Variants in PLSCR1 observed in about 807,000 individuals in gnomAD.
The protein encoded by PLSCR1 is phospholipid scramblase 1, also known as PL scramblase 1.
In PLSCR1, 17 loss-of-function variants were observed where a neutral mutation model predicts 37.8. The ratio of observed to expected loss-of-function variants is 0.45; its 90% CI spans 0.31 to 0.68. The LOEUF (loss-of-function observed/expected upper bound fraction) is 0.68, where lower values mean the gene tolerates loss of function less well. PLSCR1 is among the 30% of genes least tolerant of loss of function. The pLI is 0.06. For missense variants in PLSCR1, 347 were observed against 380.9 expected, an observed-to-expected ratio of 0.91 and a Z score of 0.74; for synonymous variants, 116 against 125.9, an observed-to-expected ratio of 0.92 and a Z score of 0.53.
chr3:146,516,596 T>C (rs560611595), intron 8 of PLSCR1: 1 of 172,002 alleles, frequency 5.8e-6, no homozygotes, highest in African/African-American at 2.4e-5. Flanking sequence ...GAATGTACAC[T>C]CTTATTGTAC....
chr3:146,515,792 G>A lies in PLSCR1; in HGVS notation c.*253C>T, dbSNP rs1237878505. 3 of 309,830 alleles carry A rather than the reference G, an allele frequency of 9.7e-6. No homozygotes were observed. Among genetic ancestry groups the A allele is most frequent in the Middle Eastern group, 8.5e-4 (1 of 1,172 alleles). The allele number at this position is 309,830 out of a possible 1,614,324, so 19.2% of individuals were successfully genotyped here. The stretch of plus-strand genomic sequence containing the variant: ...AATGAATCAGAGATCATAATTCAAA[G>A]CAGTTTTTCAAAGGAAGTTTCATTA... On this transcript the variant is annotated 3_prime_UTR_variant, in exon 9 of 9. Coordinates refer to ENST00000342435, the MANE Select transcript of PLSCR1 (RefSeq NM_021105.3).
intron 1 of PLSCR1, among the ~76,000 whole-genome samples, chr3:146,540,087 T>C (rs577804057): frequency 6.6e-6 from 1 of 152,364 alleles, no homozygotes; most frequent in Non-Finnish European, 1.5e-5. Context: ...AATAATGGCT[T>C]CTACCACACT....
At chr3:146,536,619 A>T in intron 1 of PLSCR1, 54 bp from the exon 2 acceptor site, 1 of 1,028,922 alleles carries the variant, frequency 9.7e-7, no homozygotes, top group South Asian at 1.3e-5. Context: ...CAAGTCAAAT[A>T]TAACAGTTGA....
chr3:146,522,069 A>G lies in PLSCR1; in HGVS notation c.356-16T>C. 1 of 1,330,866 alleles carries G rather than the reference A, an allele frequency of 7.5e-7. No homozygotes were observed. The highest frequency in any genetic ancestry group is 1.1e-6 in the Non-Finnish European group (1 of 921,562). 82.4% of individuals were successfully genotyped at this position (1,330,866 alleles called of 1,614,324 possible). On this transcript the variant is annotated splice_polypyrimidine_tract_variant and intron_variant, in intron 5 of 8. Coordinates refer to ENST00000342435, the MANE Select transcript of PLSCR1 (RefSeq NM_021105.3). Reference sequence around the variant, plus strand: ...CCTGTTAAAACTAAAAACATAAAAGACGAAATCATAATCACCTCTATGTTA... The same window carrying G: ...CCTGTTAAAACTAAAAACATAAAAGGCGAAATCATAATCACCTCTATGTTA...
At chr3:146,530,126 T>C (rs924181967) in intron 3 of PLSCR1, among the ~76,000 whole-genome samples, 8 of 152,320 alleles carry the variant, frequency 5.3e-5, no homozygotes, top group African/African-American at 1.9e-4. Context: ...TGGTCCACAG[T>C]GTAGCAATTC....
At chr3:146,538,169 A>C (rs2044291032) in intron 1 of PLSCR1, 1 of 152,316 alleles carries the variant, frequency 6.6e-6, no homozygotes, top group African/African-American at 2.4e-5. Flanking sequence ...GAAAGGTAGA[A>C]ATATTAAAAT....
intron 3 of PLSCR1, among the ~76,000 whole-genome samples, chr3:146,531,866 G>A (rs185279654): frequency 9.2e-5 from 14 of 152,092 alleles, no homozygotes; most frequent in South Asian, 2.1e-4. Flanking sequence ...TTACCTATAC[G>A]AATTTTTTTT....
chr3:146,535,928 GATTTA>G (rs1472675569), intron 2 of PLSCR1, among the ~76,000 whole-genome samples: 4 of 152,086 alleles, frequency 2.6e-5, no homozygotes. Context: ...AGAAAAACAG[GATTTA>G]ATTTTTGAAT....
In PLSCR1 at chr3:146,543,381, T is replaced by C. The variant is rs143757545; in HGVS notation, c.-14+1086A>G. On this transcript the variant is annotated intron_variant, in intron 1 of 8. Transcript: ENST00000342435. Reference sequence around the variant, plus strand: ...TCCACTCTTTCCCTTTATATGTCTTTTTCATTTCCCCGCATTTTCTCATTG... The same window carrying C: ...TCCACTCTTTCCCTTTATATGTCTTCTTCATTTCCCCGCATTTTCTCATTG... 3.2e-3 allele frequency among the ~76,000 whole-genome samples: 495 copies of C among 152,360 alleles called. 2 individuals are homozygous for C. Among genetic ancestry groups the C allele is most frequent in the African/African-American group, 0.012 (480 of 41,584 alleles).
chr3:146,523,641 CAA>C (rs1444640522), intron 5 of PLSCR1, among the ~76,000 whole-genome samples: 1 of 152,170 alleles, frequency 6.6e-6, no homozygotes, highest in East Asian at 1.9e-4. Flanking sequence ...GGGTATTAGA[CAA>C]ACGTGTTCGG....
intron 7 of PLSCR1, among the ~76,000 whole-genome samples, chr3:146,518,943 T>C (rs1204694055): frequency 2.0e-5 from 3 of 152,136 alleles, no homozygotes; most frequent in Non-Finnish European, 4.4e-5. Flanking sequence ...AACCATAGAT[T>C]CATCTCACAA....
At chr3:146,541,731 AG>A (rs2108678534) in intron 1 of PLSCR1, among the ~76,000 whole-genome samples, 1 of 152,340 alleles carries the variant, frequency 6.6e-6, no homozygotes, top group South Asian at 2.1e-4. Context: ...GTGTGAGCTA[AG>A]TTCATGTGTT....
intron 1 of PLSCR1, among the ~76,000 whole-genome samples, chr3:146,541,449 TAATA>T (rs992869887): frequency 1.3e-5 from 2 of 152,188 alleles, no homozygotes; most frequent in African/African-American, 4.8e-5. Flanking sequence ...CCTTTCCTCC[TAATA>T]AATGGTGAAA....
intron 2 of PLSCR1, among the ~76,000 whole-genome samples, chr3:146,534,383 C>G (rs1442705417): frequency 6.6e-6 from 1 of 152,144 alleles, no homozygotes; most frequent in Non-Finnish European, 1.5e-5. Context: ...GAATTACTAA[C>G]TGTAAATTCA....
At chr3:146,523,330 G>A (rs973407561) in intron 5 of PLSCR1, among the ~76,000 whole-genome samples, 83 of 152,290 alleles carry the variant, frequency 5.5e-4, no homozygotes, top group Admixed American at 4.2e-3. Context: ...TGCTGTGGGT[G>A]GGCACGGTGG....
intron 7 of PLSCR1, among the ~76,000 whole-genome samples, chr3:146,520,800 G>A (rs566308499): frequency 1.3e-5 from 2 of 152,050 alleles, no homozygotes; most frequent in Admixed American, 1.3e-4. Flanking sequence ...TTACCCTTTT[G>A]TTGGAAAGGT....
At chr3:146,540,832 A>G (rs1001781288) in intron 1 of PLSCR1, 10 of 152,156 alleles carry the variant, frequency 6.6e-5, no homozygotes, top group African/African-American at 1.9e-4. Context: ...AAAGGTAGGA[A>G]TTTCAAGTAG....
Position 146,521,895 on chromosome 3 carries a change from C to G in PLSCR1, c.514G>C (p.Val172Leu). 1 of 1,613,962 alleles carries G rather than the reference C, an allele frequency of 6.2e-7. No homozygotes were observed. Among genetic ancestry groups the G allele is most frequent in the Non-Finnish European group, 8.5e-7 (1 of 1,179,864 alleles). ...CTTAGTGGTCTCTCCAGAGTTATGA[C>G]TTCTTGACCCATATTATCAATAATC... ...LRIIDNMGQE[V>L]ITLERPLRCS... is the part of the protein sequence containing the mutation. Residue 172 changes from valine (V) to leucine (L), a missense_variant, in exon 6 of 9, where the codon GTC (valine) becomes CTC (leucine). Transcript: ENST00000342435.
chr3:146,541,760 T>G (rs1462424776), intron 1 of PLSCR1, among the ~76,000 whole-genome samples: 1 of 152,242 alleles, frequency 6.6e-6, no homozygotes, highest in Non-Finnish European at 1.5e-5. Context: ...TAATTTCCAA[T>G]GCAACAGTGT....
Sources: allele counts gnomAD v4.1 joint callset (sites outside exome capture counted in the v4.1 genomes callset), GRCh38; gene constraint gnomAD v4.1.1; transcripts MANE v1.5; gene names NCBI Gene and HGNC (gene_info 2026-07-23, HGNC 2026-07-21).